Variants in ZNG1F observed in about 807,000 individuals in gnomAD.
ZNG1F encodes Zn regulated GTPase metalloprotein activator 1F.
chr9:41,144,609 G>T, the ZNG1F span, among the ~76,000 whole-genome samples: 1 of 148,190 alleles, frequency 6.7e-6, no homozygotes, highest in East Asian at 2.0e-4. Context: ...TTCAAAAATT[G>T]AGTGATCACT....
At chr9:41,158,263 G>A in the ZNG1F span, 1 of 120,318 alleles carries the variant, frequency 8.3e-6, no homozygotes, top group Non-Finnish European at 1.7e-5. Context: ...TCAGTGAGCC[G>A]AGATCGCACC....
chr9:41,193,674 TGG>T, the ZNG1F span, among the ~76,000 whole-genome samples: 1 of 151,548 alleles, frequency 6.6e-6, no homozygotes, highest in Non-Finnish European at 1.5e-5. Flanking sequence ...CCAGGGCGGG[TGG>T]ATCACCTGAG....
the ZNG1F span, among the ~76,000 whole-genome samples, chr9:41,200,747 T>C: frequency 2.6e-5 from 4 of 152,206 alleles, no homozygotes; most frequent in Non-Finnish European, 5.9e-5. Flanking sequence ...CTCACAATCA[T>C]GGCGGAAGGC....
the ZNG1F span, among the ~76,000 whole-genome samples, chr9:41,193,475 A>AC: frequency 6.7e-6 from 1 of 149,250 alleles, no homozygotes; most frequent in East Asian, 2.0e-4. Context: ...AAACTTTAAA[A>AC]AACAGGTCCC....
chr9:41,193,029 G>A, the ZNG1F span, among the ~76,000 whole-genome samples: 10 of 150,598 alleles, frequency 6.6e-5, no homozygotes, highest in Non-Finnish European at 1.0e-4. Context: ...CACATTAAAT[G>A]CATTATCCCA....
the ZNG1F span, among the ~76,000 whole-genome samples, chr9:41,135,751 A>T: frequency 2.6e-5 from 3 of 116,490 alleles, no homozygotes; most frequent in Middle Eastern, 3.7e-3. Context: ...GTTCTTTTTC[A>T]GATGTATATA....
chr9:41,132,453 T>C, the ZNG1F span: 5 of 1,508,718 alleles, frequency 3.3e-6, no homozygotes, highest in South Asian at 4.9e-5. Context: ...TTACTGATAT[T>C]CACTTAAAAA....
the ZNG1F span, among the ~76,000 whole-genome samples, chr9:41,141,194 C>T: frequency 6.6e-6 from 1 of 151,690 alleles, no homozygotes; most frequent in Non-Finnish European, 1.5e-5. Context: ...CACCAATAAA[C>T]TCTTTTCATG....
At chr9:41,198,227 C>A in the ZNG1F span, among the ~76,000 whole-genome samples, 14 of 146,966 alleles carry the variant, frequency 9.5e-5, no homozygotes, top group Admixed American at 1.4e-4. Flanking sequence ...CATGGTGAAA[C>A]CGTGTCCCTA....
chr9:41,205,205 A>AT, the ZNG1F span, among the ~76,000 whole-genome samples: 1 of 131,408 alleles, frequency 7.6e-6, no homozygotes, highest in Non-Finnish European at 1.6e-5. Flanking sequence ...TTATACCTTT[A>AT]TTTTTTGTGG....
the ZNG1F span, among the ~76,000 whole-genome samples, chr9:41,204,418 A>C: frequency 1.3e-3 from 22 of 17,226 alleles, no homozygotes; most frequent in African/African-American, 1.9e-3. Context: ...ATATATATAT[A>C]TATCTGTATA....
chr9:41,144,653 CACTT>C, the ZNG1F span, among the ~76,000 whole-genome samples: 14 of 148,440 alleles, frequency 9.4e-5, no homozygotes, highest in African/African-American at 3.5e-4. Context: ...GCACACTGCT[CACTT>C]ACACATCCCC....
the ZNG1F span, among the ~76,000 whole-genome samples, chr9:41,154,683 C>A: frequency 6.7e-6 from 1 of 148,416 alleles, no homozygotes; most frequent in Non-Finnish European, 1.5e-5. Context: ...CAGAACAGAG[C>A]CCTCAGAAAT....
chr9:41,146,006 C>T, the ZNG1F span: 3 of 132,714 alleles, frequency 2.3e-5, no homozygotes, highest in Non-Finnish European at 4.9e-5. Flanking sequence ...GACTGAAAAC[C>T]TTGCAGATGC....
At chr9:41,183,621 C>T in the ZNG1F span, 9 of 1,603,022 alleles carry the variant, frequency 5.6e-6, 1 homozygote, top group Non-Finnish European at 7.7e-6. Flanking sequence ...ATAGAGCTCT[C>T]CACCTTGGCT....
chr9:41,177,079 AG>A, the ZNG1F span: 1 of 143,196 alleles, frequency 7.0e-6, no homozygotes, highest in Non-Finnish European at 1.5e-5. Context: ...TATCAAAAAC[AG>A]GACAGATACT....
the ZNG1F span, among the ~76,000 whole-genome samples, chr9:41,184,613 C>T: frequency 6.8e-6 from 1 of 146,638 alleles, no homozygotes; most frequent in African/African-American, 2.5e-5. Flanking sequence ...GTCCACTAAG[C>T]AAATGAGCTC....
chr9:41,199,267 A>T, the ZNG1F span: 1 of 106,684 alleles, frequency 9.4e-6, no homozygotes, highest in East Asian at 2.9e-4. Flanking sequence ...ATCAAAAGCG[A>T]GTTAGTTACT....
the ZNG1F span, among the ~76,000 whole-genome samples, chr9:41,141,459 CT>C: frequency 3.3e-4 from 46 of 138,092 alleles, no homozygotes; most frequent in African/African-American, 1.2e-3. Context: ...CCATTTCAGA[CT>C]TTTTTTTTCC....
Sources: allele counts gnomAD v4.1 joint callset (sites outside exome capture counted in the v4.1 genomes callset), GRCh38; gene constraint gnomAD v4.1.1; transcripts MANE v1.5; gene names NCBI Gene and HGNC (gene_info 2026-07-23, HGNC 2026-07-21).